The following PRP4K variants were observed in gnomAD, a reference collection of about 807,000 sequenced individuals.
PRP4K encodes pre-mRNA processing factor kinase PRP4K, also known as serine/threonine-protein kinase PRP4 homolog.
At chr6:4,037,416 A>T in the PRP4K span, 1 of 1,611,522 alleles carries the variant, frequency 6.2e-7, no homozygotes, top group African/African-American at 1.3e-5. Flanking sequence ...TCGAGATGAT[A>T]TCCTCAGTAG....
At chr6:4,037,251 CTGAG>C in the PRP4K span, 1 of 685,868 alleles carries the variant, frequency 1.5e-6, no homozygotes. Context: ...CTGTAGTCAC[CTGAG>C]TAAGTTTTGT....
chr6:4,028,797 T>A, the PRP4K span, among the ~76,000 whole-genome samples: 7 of 152,238 alleles, frequency 4.6e-5, no homozygotes, highest in Non-Finnish European at 8.8e-5. Flanking sequence ...CTCATTGTTG[T>A]CAACTAATTA....
chr6:4,032,562 A>C, the PRP4K span: 4 of 1,613,516 alleles, frequency 2.5e-6, no homozygotes, highest in African/African-American at 1.3e-5. Context: ...ACCTGGTCGT[A>C]GTCCTAAAAG....
chr6:4,038,406 C>T, the PRP4K span, among the ~76,000 whole-genome samples: 1 of 151,650 alleles, frequency 6.6e-6, no homozygotes, highest in Non-Finnish European at 1.5e-5. Context: ...GCCTCAGCCT[C>T]TCAAGTAGCT....
chr6:4,047,323 A>T, the PRP4K span: 8 of 1,155,168 alleles, frequency 6.9e-6, no homozygotes, highest in Non-Finnish European at 1.0e-5. Context: ...ATATAGAGAA[A>T]GAAGAATAAA....
At chr6:4,026,288 G>GCCA in the PRP4K span, among the ~76,000 whole-genome samples, 7 of 145,776 alleles carry the variant, frequency 4.8e-5, no homozygotes, top group African/African-American at 1.8e-4. Context: ...ACAGGTGTGA[G>GCCA]CCACTGTGCC....
At chr6:4,051,981 A>G in the PRP4K span, 1 of 1,586,890 alleles carries the variant, frequency 6.3e-7, no homozygotes, top group South Asian at 1.2e-5. Context: ...TAAAAGAATT[A>G]GAGTTCTTGA....
the PRP4K span, among the ~76,000 whole-genome samples, chr6:4,028,333 G>C: frequency 6.6e-6 from 1 of 151,918 alleles, no homozygotes; most frequent in African/African-American, 2.4e-5. Flanking sequence ...TCAGCCTTTT[G>C]AGTAACTGGG....
At chr6:4,061,425 C>T in the PRP4K span, 2 of 152,664 alleles carry the variant, frequency 1.3e-5, no homozygotes, top group African/African-American at 4.8e-5. Flanking sequence ...ACTTTATATA[C>T]ATTTTGTTAA....
the PRP4K span, chr6:4,037,429 G>A: frequency 1.0e-4 from 168 of 1,613,686 alleles, no homozygotes; most frequent in Middle Eastern, 3.3e-4. Flanking sequence ...CTCAGTAGAC[G>A]TGAAAGATCA....
the PRP4K span, chr6:4,021,465 G>A: frequency 6.3e-7 from 1 of 1,583,038 alleles, no homozygotes; most frequent in East Asian, 2.3e-5. Context: ...GGAGCAGCCA[G>A]AGTAAGTAGT....
At chr6:4,039,908 TTTTC>T in the PRP4K span, among the ~76,000 whole-genome samples, 1 of 147,956 alleles carries the variant, frequency 6.8e-6, no homozygotes, top group African/African-American at 2.5e-5. Flanking sequence ...TCCTCTTTTC[TTTTC>T]TTTCTTGAGG....
the PRP4K span, chr6:4,037,268 C>T: frequency 4.5e-6 from 4 of 884,872 alleles, no homozygotes; most frequent in East Asian, 5.9e-5. Flanking sequence ...AGTTTTGTTA[C>T]AAAACACATT....
At chr6:4,056,193 A>C in the PRP4K span, 1 of 634,380 alleles carries the variant, frequency 1.6e-6, no homozygotes, top group East Asian at 2.8e-5. Context: ...ATAGAAAAGG[A>C]ATTTTTAAAT....
the PRP4K span, chr6:4,064,566 C>T: frequency 3.6e-4 from 55 of 152,294 alleles, no homozygotes; most frequent in Non-Finnish European, 6.0e-4. Flanking sequence ...GACATCTTTA[C>T]CAATTGGGCT....
chr6:4,027,765 G>A, the PRP4K span, among the ~76,000 whole-genome samples: 3 of 152,106 alleles, frequency 2.0e-5, no homozygotes, highest in African/African-American at 7.2e-5. Flanking sequence ...CAACTAGTAA[G>A]TAATGAAACT....
chr6:4,047,582 T>G, the PRP4K span, among the ~76,000 whole-genome samples: 1 of 152,178 alleles, frequency 6.6e-6, no homozygotes, highest in Non-Finnish European at 1.5e-5. Flanking sequence ...TTCTAGGTCT[T>G]TATTAGAATA....
At chr6:4,034,750 G>A in the PRP4K span, among the ~76,000 whole-genome samples, 1 of 151,618 alleles carries the variant, frequency 6.6e-6, no homozygotes, top group Non-Finnish European at 1.5e-5. Context: ...GTCTTGCTCT[G>A]TTGCCAGGCT....
At chr6:4,027,834 G>T in the PRP4K span, among the ~76,000 whole-genome samples, 2 of 152,142 alleles carry the variant, frequency 1.3e-5, no homozygotes, top group African/African-American at 4.8e-5. Flanking sequence ...GCTGTCCTTT[G>T]TCTTGAGGAC....
Sources: gnomAD v4.1 joint callset for allele counts (sites outside exome capture counted in the v4.1 genomes callset) on GRCh38, gnomAD v4.1.1 for gene constraint, MANE v1.5 for transcripts, NCBI Gene and HGNC (gene_info 2026-07-23, HGNC 2026-07-21) for gene names.